Variants in RNMT observed in about 807,000 individuals in gnomAD.
RNMT encodes the protein mRNA cap guanine-N(7) methyltransferase.
RNMT carries 27 observed loss-of-function variants against 56.0 expected under a neutral mutation model. The observed-to-expected ratio is 0.48, with a 90% CI of 0.36 to 0.67. The LOEUF (loss-of-function observed/expected upper bound fraction) is 0.67, where lower values mean the gene tolerates loss of function less well. Ranked by LOEUF, RNMT falls within the 30% of genes least tolerant of loss-of-function variation. The probability of loss-of-function intolerance (pLI) is 0.00; values close to 1 mark genes in which losing one functional copy is unlikely to be tolerated. For synonymous variants in RNMT, 184 were observed against 176.2 expected (o/e 1.04, Z -0.35); for missense variants, 519 against 552.1 (o/e 0.94, Z 0.60).
At position 13,761,571 on chromosome 18, in the gene RNMT, T is replaced by TG; in HGVS notation, c.*1597dup. ...AACCTCTTCCACGCCATGGGTAACTTGGGGGAGAGAAGAATCCTCCAAACG... is the reference window on the plus strand; with the variant it reads ...AACCTCTTCCACGCCATGGGTAACTTGGGGGGAGAGAAGAATCCTCCAAACG... On this transcript the variant is annotated 3_prime_UTR_variant, in exon 12 of 12. Coordinates refer to ENST00000383314, the MANE Select transcript of RNMT (RefSeq NM_003799.3). The TG allele has an allele frequency of 4.0e-6, 4 of 992,578 alleles. No homozygotes were observed. The highest frequency in any genetic ancestry group is 4.8e-6 in the Non-Finnish European group (4 of 833,954). 61.5% of individuals were successfully genotyped at this position (992,578 alleles called of 1,614,324 possible).
chr18:13,738,515 AAG>A (rs1438529177), intron 5 of RNMT, among the ~76,000 whole-genome samples: 1 of 152,200 alleles, frequency 6.6e-6, no homozygotes, highest in Non-Finnish European at 1.5e-5. Flanking sequence ...TAGTTTCTTA[AAG>A]AGTAGTTACA....
chr18:13,734,188 G>A (rs1027217150), intron 3 of RNMT, among the ~76,000 whole-genome samples: 2 of 152,150 alleles, frequency 1.3e-5, no homozygotes, highest in East Asian at 1.9e-4. Context: ...CCCCCGCCAC[G>A]AGGAACTGTG....
Position 13,760,292 on chromosome 18 carries a change from C to G in RNMT, c.*313C>G. 9.3e-7 allele frequency: 1 copy of G among 1,080,146 alleles called. No individual in the cohort carries two copies. Among genetic ancestry groups the G allele is most frequent in the Non-Finnish European group, 1.1e-6 (1 of 888,928 alleles). The allele number at this position is 1,080,146 out of a possible 1,614,324, so 66.9% of individuals were successfully genotyped here. On this transcript the variant is annotated 3_prime_UTR_variant, in exon 12 of 12. Coordinates refer to ENST00000383314, the MANE Select transcript of RNMT (RefSeq NM_003799.3). ...ACTTGATAAAGCAACTAAACTCTTT[C>G]CACAGTGTTCAGATTTGTCCTGTGT...
At chr18:13,754,232 C>A in intron 11 of RNMT, 85 bp downstream of exon 11, 1 of 835,976 alleles carries the variant, frequency 1.2e-6, no homozygotes, top group Non-Finnish European at 2.0e-6. Flanking sequence ...AAAGGCTGGG[C>A]ACTGTGGCTC....
chr18:13,747,288 C>G (rs916033320), intron 9 of RNMT, among the ~76,000 whole-genome samples: 1 of 149,060 alleles, frequency 6.7e-6, no homozygotes, highest in Non-Finnish European at 1.5e-5. Context: ...GTGATGTGAT[C>G]ACAGCTCACT....
At chr18:13,740,667 C>T (rs910119495) in intron 6 of RNMT, among the ~76,000 whole-genome samples, 14 of 152,184 alleles carry the variant, frequency 9.2e-5, no homozygotes, top group South Asian at 2.1e-4. Flanking sequence ...CCATGGTGCC[C>T]GGCTACTCAT....
intron 3 of RNMT, among the ~76,000 whole-genome samples, chr18:13,732,682 T>C (rs1291270747): frequency 6.6e-6 from 1 of 151,222 alleles, no homozygotes; most frequent in African/African-American, 2.4e-5. Context: ...GGAAAGTGAC[T>C]GATAGTGAGG....
At position 13,742,544 on chromosome 18, in the gene RNMT, A is replaced by G; in HGVS notation, c.1031A>G (p.Lys344Arg). The G allele has an allele frequency of 6.2e-7, 1 of 1,613,500 alleles. No homozygotes were observed. The highest frequency in any genetic ancestry group is 2.2e-5 in the East Asian group (1 of 44,838). ...TTTGGAAATGAAATATATACTGTGA[A>G]ATTTCAGAAGAAAGGAGATTATCCT... ...ESFGNEIYTV[K>R]FQKKGDYPLF... The change falls in exon 8 of 12, where the codon AAA becomes AGA. Residue 344 changes from lysine (K) to arginine (R), a missense_variant. Lys to Arg is a conservative substitution (Grantham distance 26, BLOSUM62 2). Transcript: ENST00000383314.
chr18:13,729,845 G>A (rs1338042008), intron 1 of RNMT, among the ~76,000 whole-genome samples: 1 of 151,368 alleles, frequency 6.6e-6, no homozygotes, highest in Non-Finnish European at 1.5e-5. Context: ...TGTTGTCTAG[G>A]CTGGAGTACA....
rs920386351 is a variant in RNMT at position 13,733,440 on chromosome 18, C to T, written c.418-1024C>T. Among the ~76,000 whole-genome samples, 6 of 152,158 alleles carry T rather than the reference C, an allele frequency of 3.9e-5. No individual in the cohort carries two copies. In the South Asian group the frequency reaches 6.2e-4, roughly 16 times the overall value. On this transcript the variant is annotated intron_variant, in intron 3 of 11. Transcript: ENST00000383314. ...TTGCCCATGCTGGAGTGCGGTGGCCCGATCTCGGCTCACTGCAACCTCCAC... is the reference window on the plus strand; with the variant it reads ...TTGCCCATGCTGGAGTGCGGTGGCCTGATCTCGGCTCACTGCAACCTCCAC...
At chr18:13,735,775 T>C (rs2044148814) in intron 4 of RNMT, among the ~76,000 whole-genome samples, 1 of 152,196 alleles carries the variant, frequency 6.6e-6, no homozygotes, top group African/African-American at 2.4e-5. Context: ...AAGTCAGAGT[T>C]GGCAAAATTG....
chr18:13,754,202 G>T, intron 11 of RNMT, 55 bp downstream of exon 11: 1 of 1,243,390 alleles, frequency 8.0e-7, no homozygotes, highest in Non-Finnish European at 1.2e-6. Flanking sequence ...CTGTTTCAAA[G>T]TGATCATTAA....
At position 13,731,491 on chromosome 18, in the gene RNMT, T is replaced by C; in HGVS notation, c.-27T>C. 6.5e-7 allele frequency: 1 copy of C among 1,549,874 alleles called. No homozygotes were observed. The highest frequency in any genetic ancestry group is 8.7e-7 in the Non-Finnish European group (1 of 1,147,274). On this transcript the variant is annotated 5_prime_UTR_variant, in exon 3 of 12. Coordinates refer to ENST00000383314, the MANE Select transcript of RNMT (RefSeq NM_003799.3). ...CCTATTCTAGTGTTGGTTCATGAAGTTTTACCATCAATTCAAGTAATCATA... is the reference window on the plus strand; with the variant it reads ...CCTATTCTAGTGTTGGTTCATGAAGCTTTACCATCAATTCAAGTAATCATA...
chr18:13,745,713 A>G (rs2044339759), intron 8 of RNMT, among the ~76,000 whole-genome samples: 1 of 151,934 alleles, frequency 6.6e-6, no homozygotes, highest in Non-Finnish European at 1.5e-5. Context: ...ACTGTACTCT[A>G]CAGAACCTTG....
chr18:13,752,555 A>G (rs2044468114), intron 10 of RNMT, 128 bp downstream of exon 10: 3 of 617,006 alleles, frequency 4.9e-6, no homozygotes, highest in African/African-American at 3.7e-5. Flanking sequence ...AGTTGTTTCC[A>G]CTAAGTGATG....
chr18:13,744,014 A>T (rs2044303933), intron 8 of RNMT, among the ~76,000 whole-genome samples: 1 of 152,038 alleles, frequency 6.6e-6, no homozygotes, highest in Non-Finnish European at 1.5e-5. Context: ...CTTTATTTAA[A>T]AAAGAACTTA....
chr18:13,740,640 G>C (rs2044237486), intron 6 of RNMT, among the ~76,000 whole-genome samples: 1 of 152,160 alleles, frequency 6.6e-6, no homozygotes, highest in Non-Finnish European at 1.5e-5. Flanking sequence ...CCATAGTGCT[G>C]GGATTACAGG....
In RNMT at chr18:13,763,988, A is replaced by C. The variant is rs552362543; in HGVS notation, c.*4009A>C. ...TTGAGTGCACTGGCAGGAAGCAGAG[A>C]TAAGACTTGAATTTCAGTTTGGTAG... On this transcript the variant is annotated 3_prime_UTR_variant, in exon 12 of 12. Coordinates refer to ENST00000383314, the MANE Select transcript of RNMT (RefSeq NM_003799.3). 7 of 152,264 alleles carry C rather than the reference A, an allele frequency of 4.6e-5. No individual in the cohort carries two copies. The highest frequency in any genetic ancestry group is 1.0e-4 in the Non-Finnish European group (7 of 68,098). The allele number at this position is 152,264 out of a possible 1,614,324, so 9.4% of individuals were successfully genotyped here.
intron 5 of RNMT, among the ~76,000 whole-genome samples, chr18:13,738,767 C>T (rs768400072): frequency 2.0e-4 from 31 of 152,206 alleles, no homozygotes; most frequent in Admixed American, 9.8e-4. Flanking sequence ...GGTTGTAATT[C>T]TTATTTGAAA....
Sources: allele counts gnomAD v4.1 joint callset (sites outside exome capture counted in the v4.1 genomes callset), GRCh38; gene constraint gnomAD v4.1.1; transcripts MANE v1.5; gene names NCBI Gene and HGNC (gene_info 2026-07-23, HGNC 2026-07-21).